The following SYNPO2 variants were observed in gnomAD, a reference collection of about 807,000 sequenced individuals.
SYNPO2 encodes the protein synaptopodin 2.
A neutral mutation model predicts 85.0 loss-of-function variants in SYNPO2; 56 were observed. That is an observed-to-expected ratio of 0.66 (90% CI 0.53 to 0.82). The LOEUF is 0.82. Ranked by LOEUF, SYNPO2 falls within the 40% of genes least tolerant of loss-of-function variation. The pLI is 0.00. For missense variants in SYNPO2, 1,575 were observed against 1,534.2 expected, an observed-to-expected ratio of 1.03 and a Z score of -0.44; for synonymous variants, 602 against 591.1, an observed-to-expected ratio of 1.02 and a Z score of -0.27.
At chr4:118,903,320 C>A (rs568811182) in intron 1 of SYNPO2, among the ~76,000 whole-genome samples, 1 of 152,044 alleles carries the variant, frequency 6.6e-6, no homozygotes, top group African/African-American at 2.4e-5. Flanking sequence ...CATGAGAAAG[C>A]CTCTTTCTCT....
chr4:119,029,444 A>G (rs1738117821), intron 3 of SYNPO2, among the ~76,000 whole-genome samples: 1 of 152,166 alleles, frequency 6.6e-6, no homozygotes. Context: ...ATTTTAAAAT[A>G]TGGAAGTATG....
chr4:118,852,104 A>C (rs1731429526), intron 1 of SYNPO2, among the ~76,000 whole-genome samples: 1 of 152,202 alleles, frequency 6.6e-6, no homozygotes, highest in Non-Finnish European at 1.5e-5. Flanking sequence ...GAAAATATTG[A>C]TTTGCCGTAT....
chr4:118,995,933 C>T (rs1046968312), intron 1 of SYNPO2, among the ~76,000 whole-genome samples: 1 of 151,740 alleles, frequency 6.6e-6, no homozygotes, highest in East Asian at 1.9e-4. Flanking sequence ...TTTTTTCTGT[C>T]TTGCCTCTTT....
At chr4:118,912,510 T>TAA (rs35949286) in intron 1 of SYNPO2, among the ~76,000 whole-genome samples, 2 of 152,036 alleles carry the variant, frequency 1.3e-5, no homozygotes, top group Non-Finnish European at 2.9e-5. Flanking sequence ...AAAATTTAGG[T>TAA]AAATCTTCCT....
intron 1 of SYNPO2, among the ~76,000 whole-genome samples, chr4:118,973,437 G>A (rs28667954): frequency 0.16 from 24,527 of 151,752 alleles, 2,170 homozygotes; most frequent in East Asian, 0.29. Flanking sequence ...AGCATAGCAC[G>A]TATGATATGA....
In SYNPO2 at chr4:119,023,599, G is replaced by A; in HGVS notation, c.257+18G>A. 1 of 1,603,290 alleles carries A rather than the reference G, an allele frequency of 6.2e-7. No homozygotes were observed. The highest frequency in any genetic ancestry group is 8.5e-7 in the Non-Finnish European group (1 of 1,174,172). Reference sequence around the variant, plus strand: ...ATCAAAAGGTACAACAGATTTGCTGGAATATGTATTTTCTCTTGAAGCTAC... The same window carrying A: ...ATCAAAAGGTACAACAGATTTGCTGAAATATGTATTTTCTCTTGAAGCTAC... On this transcript the variant is annotated intron_variant, in intron 2 of 4. Coordinates refer to ENST00000307142, the MANE Select transcript of SYNPO2 (RefSeq NM_133477.3).
chr4:118,892,832 C>T lies in SYNPO2; in HGVS notation c.105+3691C>T, dbSNP rs528969847. Among the ~76,000 whole-genome samples the T allele has an allele frequency of 3.9e-5, 6 of 152,060 alleles. No homozygotes were observed. In the East Asian group the frequency reaches 9.7e-4, roughly 24 times the overall value. On this transcript the variant is annotated intron_variant, in intron 1 of 4. Coordinates refer to ENST00000307142, the MANE Select transcript of SYNPO2 (RefSeq NM_133477.3). ...AAAATTGAGGTGACATTGTATAATC[C>T]TTCATTTCATAAGGCCAAAATGAAT...
intron 1 of SYNPO2, among the ~76,000 whole-genome samples, chr4:118,901,685 A>G (rs1732761057): frequency 6.6e-6 from 1 of 152,246 alleles, no homozygotes; most frequent in Non-Finnish European, 1.5e-5. Flanking sequence ...AATCAGGCAT[A>G]GTAAAACATA....
chr4:118,933,970 T>C (rs889794928), intron 1 of SYNPO2, among the ~76,000 whole-genome samples: 5 of 152,046 alleles, frequency 3.3e-5, no homozygotes, highest in Admixed American at 3.3e-4. Flanking sequence ...CTAGTTAACA[T>C]GGTTTATTCT....
chr4:118,911,816 A>G (rs1044720029), intron 1 of SYNPO2, among the ~76,000 whole-genome samples: 3 of 152,028 alleles, frequency 2.0e-5, no homozygotes, highest in Admixed American at 6.6e-5. Context: ...TCATTCAGCA[A>G]CTCCCCCCCT....
intron 4 of SYNPO2, among the ~76,000 whole-genome samples, chr4:119,055,435 G>T (rs935418544): frequency 2.0e-5 from 3 of 152,188 alleles, no homozygotes; most frequent in Admixed American, 2.0e-4. Context: ...GATTACAGGC[G>T]TGAGCCACTG....
chr4:118,905,495 G>A (rs1009458920), intron 1 of SYNPO2, among the ~76,000 whole-genome samples: 10 of 151,956 alleles, frequency 6.6e-5, no homozygotes, highest in Middle Eastern at 3.4e-3. Flanking sequence ...CAGGAAGTCC[G>A]GCATAAATCT....
chr4:118,861,374 T>C (rs554168486), intron 1 of SYNPO2, among the ~76,000 whole-genome samples: 66 of 152,280 alleles, frequency 4.3e-4, no homozygotes, highest in African/African-American at 1.5e-3. Flanking sequence ...GGTTTCACCA[T>C]GTTAGCCACG....
intron 1 of SYNPO2, among the ~76,000 whole-genome samples, chr4:118,871,495 T>G (rs1050589403): frequency 6.6e-6 from 1 of 152,110 alleles, no homozygotes; most frequent in Non-Finnish European, 1.5e-5. Flanking sequence ...TATGTGCTTG[T>G]AGGAGATTTG....
intron 1 of SYNPO2, among the ~76,000 whole-genome samples, chr4:118,876,055 T>C (rs962680607): frequency 2.2e-4 from 33 of 152,196 alleles, no homozygotes; most frequent in Admixed American, 3.9e-4. Context: ...CAAATTTGGT[T>C]TAAGTATTTT....
At chr4:118,949,182 C>T (rs908560904) in intron 1 of SYNPO2, among the ~76,000 whole-genome samples, 7 of 152,072 alleles carry the variant, frequency 4.6e-5, no homozygotes, top group Non-Finnish European at 7.4e-5. Flanking sequence ...GACAATGGTT[C>T]GTGGACCTCT....
At chr4:119,038,653 A>C (rs1409555407) in intron 4 of SYNPO2, 1 of 809,426 alleles carries the variant, frequency 1.2e-6, no homozygotes, top group Non-Finnish European at 1.5e-6. Flanking sequence ...AACAAGAATA[A>C]TTCTAAACAG....
At chr4:118,870,008 C>A (rs1169556596) in intron 1 of SYNPO2, among the ~76,000 whole-genome samples, 1 of 152,182 alleles carries the variant, frequency 6.6e-6, no homozygotes, top group African/African-American at 2.4e-5. Context: ...TATTTCAGCA[C>A]GGTGTGAGCA....
At chr4:118,970,649 C>T (rs1370230481) in intron 1 of SYNPO2, among the ~76,000 whole-genome samples, 7 of 152,126 alleles carry the variant, frequency 4.6e-5, no homozygotes, top group Non-Finnish European at 5.9e-5. Context: ...TATAAAGGGA[C>T]TGTAGTAGAA....
Sources: gnomAD v4.1 joint callset for allele counts (sites outside exome capture counted in the v4.1 genomes callset) on GRCh38, gnomAD v4.1.1 for gene constraint, MANE v1.5 for transcripts, NCBI Gene and HGNC (gene_info 2026-07-23, HGNC 2026-07-21) for gene names.